Variants in DHX16 observed in about 807,000 individuals in gnomAD.
DHX16 encodes the protein DEAH-box helicase 16.
In DHX16, 81 loss-of-function variants were observed where a neutral mutation model predicts 131.2. The ratio of observed to expected loss-of-function variants is 0.62; its 90% CI spans 0.52 to 0.74. DHX16 has a LOEUF of 0.74. Among genes scored for constraint, DHX16 ranks in the 30% least tolerant of loss-of-function variants. The pLI is 0.00. For synonymous variants in DHX16, 440 were observed against 520.2 expected (o/e 0.85, Z 2.10); for missense variants, 980 against 1,363.1 (o/e 0.72, Z 4.43).
rs960053284 is a variant in DHX16 at position 30,672,965 on chromosome 6, T to G, written c.-124A>C. Reference sequence around the variant, plus strand: ...TTCGCAAGTCAGCTACCTTGGGACCTCTAGGATCTTCCGACATCCCAAAGC... The same window carrying G: ...TTCGCAAGTCAGCTACCTTGGGACCGCTAGGATCTTCCGACATCCCAAAGC... On this transcript the variant is annotated 5_prime_UTR_variant, in exon 1 of 20. Transcript: ENST00000376442. The G allele has an allele frequency of 2.6e-6, 4 of 1,552,694 alleles. No individual in the cohort carries two copies. In the African/African-American group the frequency reaches 4.1e-5, roughly 16 times the overall value.
Position 30,656,560 on chromosome 6 carries a change from T to G in DHX16, c.2311+37A>C, listed in dbSNP as rs193033232. 3,746 of 1,614,122 alleles carry G rather than the reference T, an allele frequency of 2.3e-3. 4 individuals are homozygous for G. Among genetic ancestry groups the G allele is most frequent in the Non-Finnish European group, 2.7e-3 (3,158 of 1,179,992 alleles). ...CAGAGTCCCTTCAAAGGACAGTGAC[T>G]CCAGCCCCTCCCTCCTCTCTCAGGT... On this transcript the variant is annotated intron_variant, in intron 14 of 19. Coordinates refer to ENST00000376442, the MANE Select transcript of DHX16 (RefSeq NM_003587.5). The surrounding 1 kb of genome is among the most constrained non-coding windows in gnomAD (Gnocchi z 5.1).
Position 30,654,898 on chromosome 6 carries a change from A to G in DHX16, c.2824-19T>C, listed in dbSNP as rs1226570229. On this transcript the variant is annotated intron_variant, in intron 18 of 19. Transcript: ENST00000376442. Reference sequence around the variant, plus strand: ...TGATGGCCTAAGGAGCGGGCAGGAAAGAAAATCAATGGAAAAGGCAGACAT... The same window carrying G: ...TGATGGCCTAAGGAGCGGGCAGGAAGGAAAATCAATGGAAAAGGCAGACAT... The G allele has an allele frequency of 2.5e-6, 4 of 1,600,626 alleles. No homozygotes were observed. The highest frequency in any genetic ancestry group is 4.5e-5 in the East Asian group (2 of 44,734).
chr6:30,655,210 T>C lies in DHX16; in HGVS notation c.2788A>G (p.Ser930Gly). ...GLLERVEVGL[S>G]SCQGDYIRVR... ...CGGATATAGTCCCCCTGGCAGGAAC[T>C]GAGACCAACTTCCACACGTTCCAAG... Residue 930 changes from serine to glycine, a missense_variant, in exon 18 of 20, where the codon AGT becomes GGT. Ser to Gly is a moderately conservative substitution (Grantham distance 56). Transcript: ENST00000376442. The C allele has an allele frequency of 6.2e-7, 1 of 1,614,188 alleles. No homozygotes were observed. Among genetic ancestry groups the C allele is most frequent in the Non-Finnish European group, 8.5e-7 (1 of 1,180,034 alleles).
chr6:30,665,805 AGGG>A lies in DHX16; in HGVS notation c.667-75_667-73del. 6.5e-7 allele frequency: 1 copy of A among 1,540,286 alleles called. No individual in the cohort carries two copies. The highest frequency in any genetic ancestry group is 1.2e-5 in the South Asian group (1 of 81,394). On this transcript the variant is annotated intron_variant, in intron 4 of 19. Transcript: ENST00000376442. This position sits in a 1 kb window ranked among gnomAD's most constrained non-coding sequence, Gnocchi z 4.8. ...ACCCCTTTCTCTACCAATCCCTACA[AGGG>A]AAAAATCCCCTGACAGGCAGGCATG...
At chr6:30,668,760 T>C (rs1372494883) in intron 4 of DHX16, among the ~76,000 whole-genome samples, 1 of 151,976 alleles carries the variant, frequency 6.6e-6, no homozygotes, top group Non-Finnish European at 1.5e-5. Context: ...GGAAGAGATA[T>C]GAGATAAATT....
chr6:30,655,616 A>T lies in DHX16; in HGVS notation c.2499-19T>A, dbSNP rs780515536. 1 of 1,612,952 alleles carries T rather than the reference A, an allele frequency of 6.2e-7. No individual in the cohort carries two copies. Among genetic ancestry groups the T allele is most frequent in the South Asian group, 1.1e-5 (1 of 91,074 alleles). On this transcript the variant is annotated intron_variant, in intron 16 of 19. Coordinates refer to ENST00000376442, the MANE Select transcript of DHX16 (RefSeq NM_003587.5). ...GCTGTACCTGGGACAGGAAGGGGAA[A>T]GCATGAGTTCAAAGCAAGACACATA...
Position 30,660,179 on chromosome 6 carries a change from G to C in DHX16, c.1608C>G (p.Ile536Met), listed in dbSNP as rs1768371695. 4 of 1,578,166 alleles carry C rather than the reference G, an allele frequency of 2.5e-6. No individual in the cohort carries two copies. Among genetic ancestry groups the C allele is most frequent in the Non-Finnish European group, 3.4e-6 (4 of 1,161,570 alleles). Residue 536 changes from isoleucine (I) to methionine (M), a missense_variant, in exon 10 of 20, where the codon ATC becomes ATG. Around this residue, in one of 3 missense-constraint regions of DHX16, gnomAD observed 309 missense variants for 537.1 expected, o/e 0.58. Coordinates refer to ENST00000376442, the MANE Select transcript of DHX16 (RefSeq NM_003587.5). ...TLHTDILFGL[I>M]KDVARFRPEL... ...CAGGTCGGAAGCGAGCAACATCCTT[G>C]ATCAATCCAAAGAGAATGTCTGTGT...
At position 30,666,805 on chromosome 6, in the gene DHX16, T is replaced by C. The variant is rs530956306; in HGVS notation, c.667-1072A>G. ...CCTGAGCAACAAGAACAAAACTGCA[T>C]CTTTAAAAAAAAAGCCCCTCTGCTG... On this transcript the variant is annotated intron_variant, in intron 4 of 19. Coordinates refer to ENST00000376442, the MANE Select transcript of DHX16 (RefSeq NM_003587.5). Among the ~76,000 whole-genome samples the C allele has an allele frequency of 1.8e-3, 279 of 151,934 alleles. 1 individual carries two copies. Among genetic ancestry groups the C allele is most frequent in the Non-Finnish European group, 1.4e-3 (93 of 67,958 alleles).
At chr6:30,668,917 C>A (rs1004475830) in intron 4 of DHX16, among the ~76,000 whole-genome samples, 1 of 151,666 alleles carries the variant, frequency 6.6e-6, no homozygotes, top group African/African-American at 2.4e-5. Flanking sequence ...ACCAGCCTGA[C>A]CAACATGGAG....
rs1767950178 is a variant in DHX16 at position 30,656,080 on chromosome 6, T to G, written c.2498+118A>C. Reference sequence around the variant, plus strand: ...GGGGCAATCAGAGTTATCTAATACTTTATTATGTGTTAAGGGATAGTATGA... The same window carrying G: ...GGGGCAATCAGAGTTATCTAATACTGTATTATGTGTTAAGGGATAGTATGA... On this transcript the variant is annotated intron_variant, in intron 16 of 19. Transcript: ENST00000376442. This position sits in a 1 kb window ranked among gnomAD's most constrained non-coding sequence, Gnocchi z 5.1. 2 of 993,242 alleles carry G rather than the reference T, an allele frequency of 2.0e-6. No individual in the cohort carries two copies. Among genetic ancestry groups the G allele is most frequent in the Admixed American group, 3.8e-5 (2 of 52,528 alleles). The allele number at this position is 993,242 out of a possible 1,614,324, so 61.5% of individuals were successfully genotyped here.
At chr6:30,667,527 A>G (rs900913053) in intron 4 of DHX16, among the ~76,000 whole-genome samples, 10 of 150,524 alleles carry the variant, frequency 6.6e-5, no homozygotes, top group African/African-American at 2.2e-4. Context: ...GCTTGCAGTG[A>G]GCCGAGATCG....
At chr6:30,659,955 C>T in intron 10 of DHX16, 77 bp downstream of exon 10, 1 of 1,559,986 alleles carries the variant, frequency 6.4e-7, no homozygotes, top group East Asian at 2.2e-5. Context: ...TTCCATCTTT[C>T]CCTCCACAGG....
chr6:30,653,279 G>A lies in DHX16; in HGVS notation c.3089C>T (p.Pro1030Leu). The change falls in exon 20 of 20, where the codon CCC becomes CTC. Residue 1030 changes from proline to leucine, a missense_variant. Coordinates refer to ENST00000376442, the MANE Select transcript of DHX16 (RefSeq NM_003587.5). The part of the protein sequence containing the change: ...ELEDPHAKKM[P>L]KKIGKTREEL... Reference sequence around the variant, plus strand: ...TTCTCGTGTTTTGCCTATTTTTTTGGGCATTTTCTTAGCATGGGGATCTTC... The same window carrying A: ...TTCTCGTGTTTTGCCTATTTTTTTGAGCATTTTCTTAGCATGGGGATCTTC... 1.9e-6 allele frequency: 3 copies of A among 1,612,640 alleles called. No homozygotes were observed. Among genetic ancestry groups the A allele is most frequent in the Non-Finnish European group, 2.5e-6 (3 of 1,179,916 alleles).
intron 19 of DHX16, among the ~76,000 whole-genome samples, chr6:30,653,983 G>A (rs1388552752): frequency 6.6e-6 from 1 of 152,030 alleles, no homozygotes; most frequent in Non-Finnish European, 1.5e-5. Flanking sequence ...GCTGGGCGTG[G>A]TGGTGGGCAC....
intron 12 of DHX16, among the ~76,000 whole-genome samples, chr6:30,659,201 T>TA (rs1212559636): frequency 6.6e-6 from 1 of 152,174 alleles, no homozygotes; most frequent in East Asian, 1.9e-4. Context: ...ACATTTCTCT[T>TA]AAAGGTCCAT....
At chr6:30,658,436 G>A (rs1400677742) in intron 12 of DHX16, among the ~76,000 whole-genome samples, 1 of 151,918 alleles carries the variant, frequency 6.6e-6, no homozygotes, top group Non-Finnish European at 1.5e-5. Flanking sequence ...CCCAGCTACT[G>A]GGGGGCTGAG....
At position 30,655,218 on chromosome 6, in the gene DHX16, A is replaced by C. The variant is rs559108150; in HGVS notation, c.2780T>G (p.Val927Gly). Residue 927 changes from valine (V) to glycine (G), a missense_variant, in exon 18 of 20, where the codon GTT becomes GGT. Coordinates refer to ENST00000376442, the MANE Select transcript of DHX16 (RefSeq NM_003587.5). ...GTCCCCCTGGCAGGAACTGAGACCA[A>C]CTTCCACACGTTCCAAGAGCCCTTC... ...QLEGLLERVE[V>G]GLSSCQGDYI... The C allele has an allele frequency of 1.2e-6, 2 of 1,614,190 alleles. No homozygotes were observed. Among genetic ancestry groups the C allele is most frequent in the African/African-American group, 2.7e-5 (2 of 75,042 alleles).
chr6:30,656,430 A>G lies in DHX16; in HGVS notation c.2391T>C (p.Tyr797=), dbSNP rs755991896. The change falls in exon 15 of 20, where the codon TAT becomes TAC. Residue 797 remains tyrosine (Y), a synonymous_variant. Transcript: ENST00000376442. This position sits in a 1 kb window ranked among gnomAD's most constrained non-coding sequence, Gnocchi z 5.1. The part of the protein sequence containing the change: ...ETLLLALEQL[Y]ALGALNHLGE... ...CAAGGTGGTTGAGGGCTCCCAGAGC[A>G]TACAGCTGCTCCAAAGCCAGCAGCA... 6.2e-7 allele frequency: 1 copy of G among 1,614,074 alleles called. No individual in the cohort carries two copies. The highest frequency in any genetic ancestry group is 1.3e-5 in the African/African-American group (1 of 74,932).
In DHX16 at chr6:30,659,966, A is replaced by C. The variant is rs1768344768; in HGVS notation, c.1755+66T>G. ...TCCATTCCATCTTTCCCTCCACAGG[A>C]TAACCTTCTCCAAAGGCCTCAGCTT... On this transcript the variant is annotated intron_variant, in intron 10 of 19. Coordinates refer to ENST00000376442, the MANE Select transcript of DHX16 (RefSeq NM_003587.5). 2.5e-6 allele frequency: 4 copies of C among 1,574,710 alleles called. No homozygotes were observed. The African/African-American group carries it at 5.4e-5, about 21-fold the overall frequency.
Sources: allele counts gnomAD v4.1 joint callset (sites outside exome capture counted in the v4.1 genomes callset), GRCh38; gene constraint gnomAD v4.1.1; regional missense constraint gnomAD v4.1.1; non-coding constraint Gnocchi (gnomAD v3.1); transcripts MANE v1.5; gene names NCBI Gene and HGNC (gene_info 2026-07-23, HGNC 2026-07-21).